Variants in DLEC1 observed in about 807,000 individuals in gnomAD.
The protein encoded by DLEC1 is deleted in lung and esophageal cancer protein 1.
A neutral mutation model predicts 198.1 loss-of-function variants in DLEC1; 146 were observed. The observed-to-expected ratio is 0.74, with a 90% CI of 0.64 to 0.85. The LOEUF (loss-of-function observed/expected upper bound fraction) is 0.85, where lower values mean the gene tolerates loss of function less well. Among genes scored for constraint, DLEC1 ranks in the 40% least tolerant of loss-of-function variants. The pLI is 0.00. For synonymous variants in DLEC1, 897 were observed against 866.8 expected (o/e 1.03, Z -0.61); for missense variants, 2,233 against 2,220.0 (o/e 1.01, Z -0.12).
chr3:38,097,940 A>G, intron 18 of DLEC1, 38 bp downstream of exon 18: 1 of 1,612,882 alleles, frequency 6.2e-7, no homozygotes, highest in East Asian at 2.2e-5. Flanking sequence ...GTGCCCCCAC[A>G]ATGAGCCCGT....
chr3:38,117,838 G>A lies in DLEC1; in HGVS notation c.4518G>A (p.Leu1506=), dbSNP rs752943432. Residue 1506 remains leucine (L), a synonymous_variant, in exon 33 of 37, where the codon CTG becomes CTA. Coordinates refer to ENST00000308059, the MANE Select transcript of DLEC1 (RefSeq NM_007335.4). The part of the protein sequence containing the change: ...VLSELVTTHH[L]KLTNTTEIPH... ...GTGAGCTGGTGACCACCCACCACCT[G>A]AAGCTGACCAACACTACAGAGATCC... The A allele has an allele frequency of 6.2e-7, 1 of 1,614,112 alleles. No homozygotes were observed. The highest frequency in any genetic ancestry group is 1.1e-5 in the South Asian group (1 of 91,072).
intron 1 of DLEC1, among the ~76,000 whole-genome samples, chr3:38,042,552 C>CTTTTTTT (rs71635860): frequency 5.7e-5 from 6 of 104,762 alleles, no homozygotes; most frequent in Non-Finnish European, 1.1e-4. Context: ...ATGTTGCTGG[C>CTTTTTTT]TTTTTTTTTT....
intron 7 of DLEC1, among the ~76,000 whole-genome samples, chr3:38,084,920 G>T (rs1237302178): frequency 2.0e-5 from 3 of 152,066 alleles, no homozygotes; most frequent in Non-Finnish European, 2.9e-5. Flanking sequence ...TCCTACTTTA[G>T]TGTCACAGTA....
intron 6 of DLEC1, among the ~76,000 whole-genome samples, chr3:38,080,780 G>A (rs1055038632): frequency 6.6e-6 from 1 of 150,814 alleles, no homozygotes; most frequent in Non-Finnish European, 1.5e-5. Flanking sequence ...GTAGAGACAC[G>A]GAGGGAAGGG....
chr3:38,118,835 A>T (rs1700315369), intron 33 of DLEC1, among the ~76,000 whole-genome samples: 2 of 152,084 alleles, frequency 1.3e-5, no homozygotes, highest in Admixed American at 1.3e-4. Context: ...CCAGAGCCTC[A>T]GTGAACAGCC....
chr3:38,086,162 A>G, intron 8 of DLEC1, 79 bp from the exon 9 acceptor site: 1 of 1,519,410 alleles, frequency 6.6e-7, no homozygotes, highest in Non-Finnish European at 8.8e-7. Context: ...CTCTGGCTGT[A>G]CCTCAGGAGA....
rs181311387 is a variant in DLEC1 at position 38,093,265 on chromosome 3, G to A, written c.1757-340G>A. Reference sequence around the variant, plus strand: ...GGTTAGAAGAGGCATCCTAGGAATCGTGACAAGATGCCCCTGGCCGCCCCT... The same window carrying A: ...GGTTAGAAGAGGCATCCTAGGAATCATGACAAGATGCCCCTGGCCGCCCCT... On this transcript the variant is annotated intron_variant, in intron 11 of 36. Coordinates refer to ENST00000308059, the MANE Select transcript of DLEC1 (RefSeq NM_007335.4). Among the ~76,000 whole-genome samples, 18 of 152,146 alleles carry A rather than the reference G, an allele frequency of 1.2e-4. No homozygotes were observed. In the East Asian group the frequency reaches 2.5e-3, roughly 21 times the overall value.
At chr3:38,069,235 T>C (rs1697187072) in intron 6 of DLEC1, among the ~76,000 whole-genome samples, 1 of 151,988 alleles carries the variant, frequency 6.6e-6, no homozygotes, top group Non-Finnish European at 1.5e-5. Flanking sequence ...AGAAAACAAT[T>C]TAAAAAAACC....
rs1453057521 is a variant in DLEC1, at chr3:38,097,558, G to T, written c.2486G>T (p.Gly829Val). 4 of 1,614,182 alleles carry T rather than the reference G, an allele frequency of 2.5e-6. No individual in the cohort carries two copies. Among genetic ancestry groups the T allele is most frequent in the Non-Finnish European group, 3.4e-6 (4 of 1,180,032 alleles). ...TTGAACTTTACTGGGGGTGTCCCTGGCCCCACAAGCCAGGACCTGCTGTGT... is the reference window on the plus strand; with the variant it reads ...TTGAACTTTACTGGGGGTGTCCCTGTCCCCACAAGCCAGGACCTGCTGTGT... ...FELNFTGGVP[G>V]PTSQDLLCEI... The change falls in exon 17 of 37, where the codon GGC becomes GTC. Residue 829 changes from glycine to valine, a missense_variant. Coordinates refer to ENST00000308059, the MANE Select transcript of DLEC1 (RefSeq NM_007335.4).
intron 7 of DLEC1, among the ~76,000 whole-genome samples, chr3:38,084,719 A>G (rs556956878): frequency 2.3e-4 from 35 of 151,712 alleles, no homozygotes; most frequent in Non-Finnish European, 5.0e-4. Flanking sequence ...GACTCCCCCC[A>G]TCAGCAGTCC....
At chr3:38,068,087 A>C (rs1479503494) in intron 6 of DLEC1, among the ~76,000 whole-genome samples, 1 of 152,006 alleles carries the variant, frequency 6.6e-6, no homozygotes, top group Non-Finnish European at 1.5e-5. Context: ...TATCCTAGCA[A>C]GCAAGAAGGA....
rs1339134776 is a variant in DLEC1, at chr3:38,097,568, C to G, written c.2496C>G (p.Ser832Arg). Residue 832 changes from serine to arginine, a missense_variant, in exon 17 of 37, where the codon AGC (serine) becomes AGG (arginine). Coordinates refer to ENST00000308059, the MANE Select transcript of DLEC1 (RefSeq NM_007335.4). ...NFTGGVPGPT[S>R]QDLLCEIEDS... ...CTGGGGGTGTCCCTGGCCCCACAAG[C>G]CAGGACCTGCTGTGTGAAATCGAAG... 2 of 1,614,070 alleles carry G rather than the reference C, an allele frequency of 1.2e-6. No homozygotes were observed. Among genetic ancestry groups the G allele is most frequent in the South Asian group, 1.1e-5 (1 of 91,090 alleles).
At chr3:38,045,903 T>G (rs775363758) in intron 2 of DLEC1, among the ~76,000 whole-genome samples, 17 of 152,358 alleles carry the variant, frequency 1.1e-4, no homozygotes, top group Admixed American at 4.6e-4. Context: ...CTCTCCTACA[T>G]AACCAGCATA....
At chr3:38,096,865 G>T in intron 15 of DLEC1, 128 bp downstream of exon 15, 1 of 1,178,250 alleles carries the variant, frequency 8.5e-7, no homozygotes, top group Non-Finnish European at 1.2e-6. Context: ...CCATTCCCAG[G>T]GCTTTGAACC....
Position 38,094,897 on chromosome 3 carries a change from C to T in DLEC1, c.1938C>T (p.Phe646=). 1 of 1,614,132 alleles carries T rather than the reference C, an allele frequency of 6.2e-7. No individual in the cohort carries two copies. ...IRNATHVELA[F]YWQIMKPNLQ... ...CCCACAGGCACGTGGAGCTGGCCTT[C>T]TACTGGCAGATCATGAAGCCCAACC... Residue 646 remains phenylalanine, a synonymous_variant, in exon 13 of 37, where the codon TTC becomes TTT. Coordinates refer to ENST00000308059, the MANE Select transcript of DLEC1 (RefSeq NM_007335.4).
intron 19 of DLEC1, among the ~76,000 whole-genome samples, chr3:38,104,128 T>C (rs1484516667): frequency 6.6e-6 from 1 of 152,198 alleles, no homozygotes; most frequent in Non-Finnish European, 1.5e-5. Flanking sequence ...ACATGAGGTA[T>C]GTTTGTAACT....
intron 35 of DLEC1, 66 bp from the exon 36 acceptor site, chr3:38,122,004 TA>T (rs1700496004): frequency 1.9e-6 from 3 of 1,591,606 alleles, no homozygotes; most frequent in Non-Finnish European, 2.6e-6. Flanking sequence ...CGGGGGTGGG[TA>T]AAGTCTTCCT....
chr3:38,109,199 C>T (rs1400398412), intron 21 of DLEC1, among the ~76,000 whole-genome samples: 2 of 152,200 alleles, frequency 1.3e-5, no homozygotes, highest in East Asian at 1.9e-4. Flanking sequence ...TCTCCCTTCA[C>T]GTGGGCATGC....
intron 16 of DLEC1, 43 bp from the exon 17 acceptor site, chr3:38,097,464 C>T (rs1347821034): frequency 1.2e-6 from 2 of 1,609,556 alleles, no homozygotes; most frequent in South Asian, 2.2e-5. Context: ...AGGAAACTGC[C>T]TCTGCTTCTC....
Sources: gnomAD v4.1 joint callset for allele counts (sites outside exome capture counted in the v4.1 genomes callset) on GRCh38, gnomAD v4.1.1 for gene constraint, MANE v1.5 for transcripts, NCBI Gene and HGNC (gene_info 2026-07-23, HGNC 2026-07-21) for gene names.